Variants in DCT observed in about 807,000 individuals in gnomAD.
The protein encoded by DCT is L-dopachrome tautomerase.
Under a neutral mutation model 53.0 loss-of-function variants are expected in DCT, and 47 were observed. That is an observed-to-expected ratio of 0.89 (90% CI 0.70 to 1.13). The LOEUF is 1.13. Among genes scored for constraint, DCT ranks in the 50% most tolerant of loss-of-function variants. The pLI is 0.00. For synonymous variants in DCT, 244 were observed against 237.0 expected, an observed-to-expected ratio of 1.03 and a Z score of -0.27; for missense variants, 669 against 637.4, an observed-to-expected ratio of 1.05 and a Z score of -0.53.
chr13:94,535,112 C>G, the DCT span, among the ~76,000 whole-genome samples: 1 of 152,208 alleles, frequency 6.6e-6, no homozygotes, highest in African/African-American at 2.4e-5. Flanking sequence ...ATTAGGCTGT[C>G]TGGAATGTTC....
chr13:94,512,721 T>C, the DCT span, among the ~76,000 whole-genome samples: 6 of 151,360 alleles, frequency 4.0e-5, no homozygotes, highest in East Asian at 3.9e-4. Context: ...TATATATATA[T>C]ACACACACAC....
chr13:94,485,056 A>G, the DCT span, among the ~76,000 whole-genome samples: 2 of 145,714 alleles, frequency 1.4e-5, no homozygotes, highest in South Asian at 4.8e-4. Flanking sequence ...AAAATGACCG[A>G]ATGTCAAGGT....
chr13:94,518,345 T>C, the DCT span, among the ~76,000 whole-genome samples: 1 of 152,212 alleles, frequency 6.6e-6, no homozygotes, highest in Non-Finnish European at 1.5e-5. Context: ...CTAGACTATA[T>C]GTATATCACT....
chr13:94,546,158 C>T, the DCT span, among the ~76,000 whole-genome samples: 2,951 of 152,232 alleles, frequency 0.019, 111 homozygotes, highest in African/African-American at 0.068. This position sits in a 1 kb window ranked among gnomAD's most constrained non-coding sequence, Gnocchi z 4.2. Context: ...CAATCAAGGA[C>T]GTAAAAAACC....
chr13:94,500,313 A>G, the DCT span, among the ~76,000 whole-genome samples: 2 of 152,352 alleles, frequency 1.3e-5, no homozygotes, highest in Admixed American at 1.3e-4. Context: ...CAATCATGGC[A>G]GCAGGCAAGA....
At chr13:94,446,403 C>G (rs1882736726) in intron 6 of DCT, among the ~76,000 whole-genome samples, 1 of 152,154 alleles carries the variant, frequency 6.6e-6, no homozygotes. Flanking sequence ...CCTCTGAAAT[C>G]ACACACACTG....
At position 94,439,734 on chromosome 13, in the gene DCT, G is replaced by A. The variant is rs147929107; in HGVS notation, c.*164C>T. 1.4e-3 allele frequency: 681 copies of A among 498,324 alleles called. 7 individuals are homozygous for A. The highest frequency in any genetic ancestry group is 0.011 in the African/African-American group (538 of 51,026). The allele number at this position is 498,324 out of a possible 1,614,324, so 30.9% of individuals were successfully genotyped here. A position where few individuals can be genotyped will look rare whatever the true frequency, so the allele number is the denominator to read the frequency against. On this transcript the variant is annotated 3_prime_UTR_variant, in exon 8 of 8. Coordinates refer to ENST00000377028, the MANE Select transcript of DCT (RefSeq NM_001922.5). Reference sequence around the variant, plus strand: ...GGTTTGTTAAACAAGCAAGCAAAGCGGAAACTACAGCTAAGCATCTTCTGA... The same window carrying A: ...GGTTTGTTAAACAAGCAAGCAAAGCAGAAACTACAGCTAAGCATCTTCTGA...
At chr13:94,515,402 G>A in the DCT span, among the ~76,000 whole-genome samples, 4 of 152,204 alleles carry the variant, frequency 2.6e-5, no homozygotes, top group Admixed American at 1.3e-4. Flanking sequence ...CAACACAGAC[G>A]TACAAAAGAA....
rs1332682192 is a variant in DCT at position 94,440,783 on chromosome 13, C to T, written c.1382-707G>A. Reference sequence around the variant, plus strand: ...GCAACCTCTGCCTCCTGAGTTCAAGCGATTCTCCTGCCTCAGCCTCCCGAG... The same window carrying T: ...GCAACCTCTGCCTCCTGAGTTCAAGTGATTCTCCTGCCTCAGCCTCCCGAG... On this transcript the variant is annotated intron_variant, in intron 7 of 7. Transcript: ENST00000377028. 2.7e-4 allele frequency among the ~76,000 whole-genome samples: 39 copies of T among 145,448 alleles called. No homozygotes were observed. In the Admixed American group the frequency reaches 2.8e-3, roughly 10 times the overall value.
the DCT span, among the ~76,000 whole-genome samples, chr13:94,505,166 G>A: frequency 2.7e-5 from 4 of 150,726 alleles, no homozygotes; most frequent in Non-Finnish European, 5.9e-5. Context: ...GCCCTGGTTT[G>A]GTCTTGGGGA....
intron 6 of DCT, among the ~76,000 whole-genome samples, chr13:94,446,666 C>A (rs1375913117): frequency 1.3e-5 from 2 of 152,264 alleles, no homozygotes; most frequent in African/African-American, 4.8e-5. Flanking sequence ...CGCTTCTAGG[C>A]AGCTGGAAGT....
At chr13:94,502,682 CCTCATTCTCCTTGTGTCCT>C in the DCT span, among the ~76,000 whole-genome samples, 1 of 152,128 alleles carries the variant, frequency 6.6e-6, no homozygotes, top group Non-Finnish European at 1.5e-5. Context: ...CTTCTAGGTA[CCTCATTCTCCTTGTGTCCT>C]CCTTTTTTTC....
chr13:94,520,711 A>G, the DCT span, among the ~76,000 whole-genome samples: 7 of 152,106 alleles, frequency 4.6e-5, no homozygotes, highest in African/African-American at 1.7e-4. Context: ...GTGGGTAGAG[A>G]AAAAAAAGGA....
chr13:94,526,953 C>T, the DCT span, among the ~76,000 whole-genome samples: 1 of 152,080 alleles, frequency 6.6e-6, no homozygotes, highest in Admixed American at 6.5e-5. Context: ...TAGCAACTGG[C>T]AGACCAGGAG....
chr13:94,476,390 A>T (rs1885086708), intron 1 of DCT, among the ~76,000 whole-genome samples: 1 of 151,142 alleles, frequency 6.6e-6, no homozygotes, highest in East Asian at 1.9e-4. Flanking sequence ...GTTTATGGTT[A>T]TATGTGACTT....
At chr13:94,530,559 T>G in the DCT span, among the ~76,000 whole-genome samples, 61,340 of 152,002 alleles carry the variant, frequency 0.4, 13,107 homozygotes, top group East Asian at 0.62. Flanking sequence ...TCTCAATAGA[T>G]GCAGAAAAGG....
intron 2 of DCT, chr13:94,467,474 C>G (rs1260917973): frequency 6.6e-6 from 1 of 152,204 alleles, no homozygotes; most frequent in African/African-American, 2.4e-5. Context: ...CTAGGACTTT[C>G]TTTTCCTCTT....
At chr13:94,477,219 C>G (rs908745282) in intron 1 of DCT, among the ~76,000 whole-genome samples, 1 of 152,112 alleles carries the variant, frequency 6.6e-6, no homozygotes, top group Non-Finnish European at 1.5e-5. Context: ...TCTCAGCCCC[C>G]AGAGTAGCTG....
chr13:94,464,645 A>T (rs1884041576), intron 4 of DCT, among the ~76,000 whole-genome samples: 1 of 151,686 alleles, frequency 6.6e-6, no homozygotes, highest in Non-Finnish European at 1.5e-5. Context: ...TCTCAAAAAA[A>T]CAAAAAAACA....
Sources: allele counts gnomAD v4.1 joint callset (sites outside exome capture counted in the v4.1 genomes callset), GRCh38; gene constraint gnomAD v4.1.1; non-coding constraint Gnocchi (gnomAD v3.1); transcripts MANE v1.5; gene names NCBI Gene and HGNC (gene_info 2026-07-23, HGNC 2026-07-21).